Variants in QRFP observed in about 807,000 individuals in gnomAD.
The protein encoded by QRFP is pyroglutamylated RFamide peptide.
In QRFP, 7 loss-of-function variants were observed where a neutral mutation model predicts 9.1. The ratio of observed to expected loss-of-function variants is 0.77; its 90% CI spans 0.44 to 1.45. QRFP has a LOEUF of 1.45. Ranked by LOEUF, QRFP falls within the 40% of genes most tolerant of loss-of-function variation. QRFP has a pLI of 0.01. For synonymous variants in QRFP, 91 were observed against 80.2 expected (o/e 1.13, Z -0.72); for missense variants, 204 against 185.4 (o/e 1.10, Z -0.58).
chr9:130,893,291 G>A lies in QRFP; in HGVS notation c.*137C>T. On this transcript the variant is annotated 3_prime_UTR_variant, in exon 3 of 3. Transcript: ENST00000623824. ...TCAAAAGTAAGCACACACCTAACCT[G>A]TCCTACCATGGATCGTTCATCGTAA... 9.2e-6 allele frequency: 9 copies of A among 975,680 alleles called. No homozygotes were observed. The highest frequency in any genetic ancestry group is 1.4e-5 in the Non-Finnish European group (9 of 662,618). The allele number at this position is 975,680 out of a possible 1,614,324, so 60.4% of individuals were successfully genotyped here. A position where few individuals can be genotyped will look rare whatever the true frequency, so the allele number is the denominator to read the frequency against.
rs368018107 is a variant in QRFP at position 130,893,689 on chromosome 9, G to T, written c.150C>A (p.His50Gln). ...GCCACCGAGAGGAACCCCACACGGA[G>T]TGGGGTCGGGGCCCCATGGCCAGGT... ...WADLAMGPRP[H>Q]SVWGSSRWLR... Residue 50 changes from histidine to glutamine, a missense_variant, in exon 3 of 3, where the codon CAC (histidine) becomes CAA (glutamine). Transcript: ENST00000623824. 3.1e-6 allele frequency: 5 copies of T among 1,608,748 alleles called. No individual in the cohort carries two copies. The East Asian group carries it at 8.9e-5, about 29-fold the overall frequency.
intron 2 of QRFP, among the ~76,000 whole-genome samples, chr9:130,895,235 A>G (rs972433726): frequency 5.9e-5 from 9 of 152,106 alleles, no homozygotes; most frequent in African/African-American, 2.2e-4. Flanking sequence ...TCCTCCCCAT[A>G]GGAAGCACTT....
chr9:130,893,946 G>T (rs1831724255), intron 2 of QRFP, 108 bp from the exon 3 acceptor site: 4 of 1,059,268 alleles, frequency 3.8e-6, no homozygotes, highest in South Asian at 2.1e-5. Context: ...TGAGCAGGGG[G>T]CTCAGCTGAG....
At chr9:130,894,051 C>T (rs115890156) in intron 2 of QRFP, among the ~76,000 whole-genome samples, 1,739 of 152,330 alleles carry the variant, frequency 0.011, 37 homozygotes, top group African/African-American at 0.039. Context: ...TCCTGCAGTC[C>T]CCACGATCTG....
Position 130,893,311 on chromosome 9 carries a change from T to C in QRFP, c.*117A>G. The C allele has an allele frequency of 1.7e-6, 2 of 1,162,408 alleles. No individual in the cohort carries two copies. Among genetic ancestry groups the C allele is most frequent in the Non-Finnish European group, 1.2e-6 (1 of 822,308 alleles). The allele number at this position is 1,162,408 out of a possible 1,614,324, so 72.0% of individuals were successfully genotyped here. A position where few individuals can be genotyped will look rare whatever the true frequency, so the allele number is the denominator to read the frequency against. On this transcript the variant is annotated 3_prime_UTR_variant, in exon 3 of 3. Transcript: ENST00000623824. ...AACCTGTCCTACCATGGATCGTTCATCGTAACCAAGCCTACATCATCTGGG... is the reference window on the plus strand; with the variant it reads ...AACCTGTCCTACCATGGATCGTTCACCGTAACCAAGCCTACATCATCTGGG...
rs559970519 is a variant in QRFP, at chr9:130,893,529, C to A, written c.310G>T (p.Ala104Ser). ...AACGGGCCGCTGGTCTTCTCCCCCGCAGCAGGGAGGAAGCCGGTGGCCTCA... is the reference window on the plus strand; with the variant it reads ...AACGGGCCGCTGGTCTTCTCCCCCGAAGCAGGGAGGAAGCCGGTGGCCTCA... Reference protein sequence around the residue: ...GSEATGFLPAAGEKTSGPLGN... With the variant: ...GSEATGFLPASGEKTSGPLGN... Residue 104 changes from alanine (A) to serine (S), a missense_variant, in exon 3 of 3, where the codon GCG (alanine) becomes TCG (serine). Coordinates refer to ENST00000623824, the MANE Select transcript of QRFP (RefSeq NM_198180.3). 16 of 1,612,554 alleles carry A rather than the reference C, an allele frequency of 9.9e-6. No individual in the cohort carries two copies. Among genetic ancestry groups the A allele is most frequent in the South Asian group, 8.8e-5 (8 of 91,032 alleles).
In QRFP at chr9:130,893,103, A is replaced by G. The variant is rs1006537846; in HGVS notation, c.*325T>C. ...ACTCAGCCCGCTGCCTCGCTCTGCT[A>G]TTCACACTCATGGCCCAGCCACAGC... is the stretch of plus-strand genomic sequence containing the variant. On this transcript the variant is annotated 3_prime_UTR_variant, in exon 3 of 3. Transcript: ENST00000623824. The G allele has an allele frequency of 2.6e-4, 62 of 242,014 alleles. No individual in the cohort carries two copies. The highest frequency in any genetic ancestry group is 2.4e-3 in the Admixed American group (44 of 18,138). The allele number at this position is 242,014 out of a possible 1,614,324, so 15.0% of individuals were successfully genotyped here.
rs1247894814 is a variant in QRFP at position 130,895,840 on chromosome 9, CT to C, written c.-145del. 3 of 152,586 alleles carry C rather than the reference CT, an allele frequency of 2.0e-5. No individual in the cohort carries two copies. Among genetic ancestry groups the C allele is most frequent in the African/African-American group, 7.2e-5 (3 of 41,454 alleles). The allele number at this position is 152,586 out of a possible 1,614,324, so 9.5% of individuals were successfully genotyped here. On this transcript the variant is annotated 5_prime_UTR_variant, in exon 2 of 3. An upstream open reading frame in the 5' UTR gains an earlier in-frame stop. Coordinates refer to ENST00000623824, the MANE Select transcript of QRFP (RefSeq NM_198180.3). ...CTTTATATGGCCCGCGGTGCGCTTG[CT>C]GCTCTGCCGACTGCCTGCTGCGCAT...
Position 130,893,458 on chromosome 9 carries a change from G to T in QRFP, c.381C>A (p.Gly127=). The T allele has an allele frequency of 6.3e-7, 1 of 1,587,972 alleles. No individual in the cohort carries two copies. The highest frequency in any genetic ancestry group is 1.3e-5 in the African/African-American group (1 of 74,242). ...GCCGACCGAAGCGGAAGCTGAAGCC[G>T]CCTTTCTTCCTGCTGTAGCCATTGA... The part of the protein sequence containing the change: ...EELNGYSRKK[G]GFSFRFGRR The change falls in exon 3 of 3, where the codon GGC becomes GGA. Residue 127 remains glycine (G), a synonymous_variant. Coordinates refer to ENST00000623824, the MANE Select transcript of QRFP (RefSeq NM_198180.3).
rs564852149 is a variant in QRFP, at chr9:130,895,070, A to G, written c.-1+627T>C. ...AAGCTTTTAAAAAAATAATACATGC[A>G]ACCCCACTTTCTACCCAAATCCAGT... On this transcript the variant is annotated intron_variant, in intron 2 of 2. Transcript: ENST00000623824. 1.4e-4 allele frequency among the ~76,000 whole-genome samples: 21 copies of G among 152,228 alleles called. No individual in the cohort carries two copies. In the South Asian group the frequency reaches 4.1e-3, roughly 30 times the overall value.
At chr9:130,894,699 C>T (rs1831733887) in intron 2 of QRFP, among the ~76,000 whole-genome samples, 1 of 152,142 alleles carries the variant, frequency 6.6e-6, no homozygotes, top group Admixed American at 6.5e-5. Flanking sequence ...CCCCAGATCT[C>T]ATGGCCTTAT....
chr9:130,893,818 CAG>C lies in QRFP; in HGVS notation c.19_20del (p.Leu7AspfsTer89), dbSNP rs1156543762. On this transcript the variant is annotated frameshift_variant, in exon 3 of 3. Transcript: ENST00000623824. LOFTEE classifies it high-confidence loss of function. ...CCAGCGGCAGGAAGAGGAAGTAGATCAGGGGGTAAGGCCTTACCATCTGACCC... is the reference window on the plus strand; with the variant it reads ...CCAGCGGCAGGAAGAGGAAGTAGATCGGGGTAAGGCCTTACCATCTGACCC... MVRPYPLIYFLFLPLGA... is the reference protein window; with the variant it reads MVRPYPXIYFLFLPLGA... The C allele has an allele frequency of 6.5e-7, 1 of 1,546,514 alleles. No individual in the cohort carries two copies. The highest frequency in any genetic ancestry group is 8.7e-7 in the Non-Finnish European group (1 of 1,146,734).
chr9:130,893,114 T>A lies in QRFP; in HGVS notation c.*314A>T. 3.7e-6 allele frequency: 1 copy of A among 269,176 alleles called. No individual in the cohort carries two copies. Among genetic ancestry groups the A allele is most frequent in the Non-Finnish European group, 7.0e-6 (1 of 143,780 alleles). 16.7% of individuals were successfully genotyped at this position (269,176 alleles called of 1,614,324 possible). ...TGCCTCGCTCTGCTATTCACACTCA[T>A]GGCCCAGCCACAGCCTCAGCTCCGT... On this transcript the variant is annotated 3_prime_UTR_variant, in exon 3 of 3. Transcript: ENST00000623824.
Sources: gnomAD v4.1 joint callset for allele counts (sites outside exome capture counted in the v4.1 genomes callset) on GRCh38, gnomAD v4.1.1 for gene constraint, MANE v1.5 for transcripts, NCBI Gene and HGNC (gene_info 2026-07-23, HGNC 2026-07-21) for gene names.